POF1B: variants seen among roughly 807,000 people sequenced by gnomAD.
The protein encoded by POF1B is protein POF1B.
In POF1B, 53 loss-of-function variants were observed where a neutral mutation model predicts 55.3. The observed-to-expected ratio is 0.96, with a 90% CI of 0.77 to 1.20. The LOEUF (loss-of-function observed/expected upper bound fraction) is 1.20, where lower values mean the gene tolerates loss of function less well. Ranked by LOEUF, POF1B falls within the 50% of genes most tolerant of loss-of-function variation. The pLI is 0.00. For synonymous variants in POF1B, 188 were observed against 148.3 expected, an observed-to-expected ratio of 1.27 and a Z score of -1.95; for missense variants, 478 against 420.5, an observed-to-expected ratio of 1.14 and a Z score of -1.20.
At chrX:85,312,487 A>G (rs1190063389) in intron 9 of POF1B, among the ~76,000 whole-genome samples, 1 of 110,957 alleles carries the variant, frequency 9.0e-6, no homozygotes, top group East Asian at 2.9e-4. Flanking sequence ...ATAGTTGTAA[A>G]TGTGTGGCAT....
intron 5 of POF1B, among the ~76,000 whole-genome samples, chrX:85,348,095 C>A (rs185360420): frequency 7.3e-4 from 81 of 110,840 alleles, no homozygotes; most frequent in African/African-American, 2.6e-3. Context: ...TAAAAATCTC[C>A]CTTTGTTAAT....
At chrX:85,322,690 A>T (rs1932852273) in intron 7 of POF1B, among the ~76,000 whole-genome samples, 1 of 111,548 alleles carries the variant, frequency 9.0e-6, no homozygotes, top group South Asian at 3.7e-4. Context: ...TTTGCAATCT[A>T]CTCATCTGAC....
chrX:85,305,569 A>G (rs1251156862), intron 13 of POF1B, among the ~76,000 whole-genome samples: 1 of 111,832 alleles, frequency 8.9e-6, no homozygotes. Context: ...TGAAATGAAT[A>G]TCTTCTTTTA....
intron 15 of POF1B, among the ~76,000 whole-genome samples, chrX:85,287,053 G>T (rs1346862924): frequency 1.8e-5 from 2 of 111,472 alleles, no homozygotes; most frequent in African/African-American, 6.5e-5. Context: ...TGAACTGAAT[G>T]CAAATGAAAA....
chrX:85,361,032 G>T (rs1258026339), intron 3 of POF1B, among the ~76,000 whole-genome samples: 1 of 111,386 alleles, frequency 9.0e-6, no homozygotes, highest in Non-Finnish European at 1.9e-5. Flanking sequence ...CTTCTTTTGA[G>T]AAGTGTCTGT....
intron 9 of POF1B, among the ~76,000 whole-genome samples, chrX:85,308,429 A>T (rs966178078): frequency 9.0e-6 from 1 of 111,580 alleles, no homozygotes; most frequent in Non-Finnish European, 1.9e-5. Flanking sequence ...TATAACAAAT[A>T]TTTATTATTT....
chrX:85,303,067 G>A (rs1227524905), intron 15 of POF1B, among the ~76,000 whole-genome samples: 1 of 111,442 alleles, frequency 9.0e-6, no homozygotes, highest in African/African-American at 3.3e-5. Context: ...TGGATACCAA[G>A]TAACCCCATT....
At chrX:85,327,118 C>G (rs1932905402) in intron 7 of POF1B, among the ~76,000 whole-genome samples, 1 of 110,461 alleles carries the variant, frequency 9.1e-6, no homozygotes, top group African/African-American at 3.3e-5. Context: ...TACCACTTCT[C>G]TAAGCATCTC....
chrX:85,320,485 A>C (rs1277936727), intron 7 of POF1B, among the ~76,000 whole-genome samples: 1 of 111,520 alleles, frequency 9.0e-6, no homozygotes, highest in African/African-American at 3.3e-5. Context: ...CACAAGAGAA[A>C]GCAGGAAAGA....
intron 5 of POF1B, among the ~76,000 whole-genome samples, chrX:85,348,517 C>T (rs188888480): frequency 1.8e-5 from 2 of 110,430 alleles, no homozygotes; most frequent in East Asian, 2.9e-4. Context: ...CTATTTGATT[C>T]GGTCACATGT....
chrX:85,290,599 C>A (rs958601635), intron 15 of POF1B, among the ~76,000 whole-genome samples: 1 of 111,680 alleles, frequency 9.0e-6, no homozygotes, highest in Admixed American at 9.5e-5. Context: ...TTGATCTGCA[C>A]CCTCACCAGC....
rs1932605383 is a variant in POF1B at position 85,307,580 on chromosome X, A to G, written c.1051-304T>C. Among the ~76,000 whole-genome samples, 4 of 111,372 alleles carry G rather than the reference A, an allele frequency of 3.6e-5. No homozygotes were observed. In the Admixed American group the frequency reaches 3.8e-4, roughly 11 times the overall value. ...CCTCGTTAATCCCAGCGAGTGGTAA[A>G]TTTTTAAATTAGAGTCTAAATATGT... On this transcript the variant is annotated intron_variant, in intron 10 of 16. Coordinates refer to ENST00000262753, the MANE Select transcript of POF1B (RefSeq NM_024921.4).
chrX:85,311,283 A>G (rs1226740522), intron 9 of POF1B, among the ~76,000 whole-genome samples: 1 of 111,099 alleles, frequency 9.0e-6, no homozygotes, highest in East Asian at 2.9e-4. Flanking sequence ...TACACGTGCC[A>G]TGGTGGTTTC....
intron 15 of POF1B, among the ~76,000 whole-genome samples, chrX:85,301,234 A>C (rs1386327255): frequency 1.8e-5 from 2 of 111,839 alleles, no homozygotes. Flanking sequence ...CCATAGAAAA[A>C]AATAATCTTG....
intron 7 of POF1B, among the ~76,000 whole-genome samples, chrX:85,315,971 A>C (rs2147912604): frequency 9.0e-6 from 1 of 111,691 alleles, no homozygotes; most frequent in East Asian, 2.8e-4. Context: ...ACAAAATAAT[A>C]AAATATGCAG....
At chrX:85,327,845 A>G (rs1191808465) in intron 7 of POF1B, among the ~76,000 whole-genome samples, 2 of 112,466 alleles carry the variant, frequency 1.8e-5, no homozygotes, top group Non-Finnish European at 3.7e-5. Context: ...TATAAATAAG[A>G]AAACAAAACA....
rs779144692 is a variant in POF1B at position 85,363,759 on chromosome X, G to A, written c.357+3933C>T. Among the ~76,000 whole-genome samples, 5 of 111,278 alleles carry A rather than the reference G, an allele frequency of 4.5e-5. No individual in the cohort carries two copies. In the East Asian group the frequency reaches 1.4e-3, roughly 32 times the overall value. Reference sequence around the variant, plus strand: ...AGGAGAGTTCCGTAGAGGTCTATCTGATATATTTGGTCAAATCTTGAGTTC... The same window carrying A: ...AGGAGAGTTCCGTAGAGGTCTATCTAATATATTTGGTCAAATCTTGAGTTC... On this transcript the variant is annotated intron_variant, in intron 3 of 16. Coordinates refer to ENST00000262753, the MANE Select transcript of POF1B (RefSeq NM_024921.4).
intron 3 of POF1B, among the ~76,000 whole-genome samples, chrX:85,366,126 A>G (rs145607649): frequency 0.029 from 3,285 of 112,131 alleles, 125 homozygotes; most frequent in African/African-American, 0.1. Context: ...TAGGAATCAA[A>G]CATAGCAGAA....
intron 9 of POF1B, among the ~76,000 whole-genome samples, chrX:85,313,789 T>C (rs1856893909): frequency 9.0e-6 from 1 of 111,277 alleles, no homozygotes; most frequent in African/African-American, 3.3e-5. Flanking sequence ...AATTTGGCTG[T>C]GAATCCATCT....
Sources: gnomAD v4.1 joint callset for allele counts (sites outside exome capture counted in the v4.1 genomes callset) on GRCh38, gnomAD v4.1.1 for gene constraint, MANE v1.5 for transcripts, NCBI Gene and HGNC (gene_info 2026-07-23, HGNC 2026-07-21) for gene names.